ACAP2: variants seen among roughly 807,000 people sequenced by gnomAD.
The protein encoded by ACAP2 is arf-GAP with coiled-coil, ANK repeat and PH domain-containing protein 2.
In ACAP2, 39 loss-of-function variants were observed where a neutral mutation model predicts 115.8. That is an observed-to-expected ratio of 0.34 (90% CI 0.26 to 0.44). The LOEUF is 0.44. ACAP2 is among the 20% of genes least tolerant of loss of function. The pLI is 1.00. For missense variants in ACAP2, 662 were observed against 927.6 expected (o/e 0.71, Z 3.72); for synonymous variants, 289 against 315.8 (o/e 0.92, Z 0.90).
intron 1 of ACAP2, among the ~76,000 whole-genome samples, chr3:195,401,687 G>A (rs1041783700): frequency 6.6e-6 from 1 of 152,090 alleles, no homozygotes; most frequent in Admixed American, 6.6e-5. Context: ...GAAGACTACA[G>A]AACAGTAACG....
intron 1 of ACAP2, 47 bp downstream of exon 1, chr3:195,442,748 G>A (rs1577495546): frequency 1.3e-6 from 2 of 1,522,506 alleles, no homozygotes; most frequent in African/African-American, 1.4e-5. Flanking sequence ...CGCCCCCAGC[G>A]CCGGGAAGGC....
At chr3:195,414,697 C>A (rs1015649976) in intron 1 of ACAP2, among the ~76,000 whole-genome samples, 2 of 152,160 alleles carry the variant, frequency 1.3e-5, no homozygotes, top group Non-Finnish European at 2.9e-5. Context: ...TGAGCAACCA[C>A]ATGACACTCA....
intron 1 of ACAP2, among the ~76,000 whole-genome samples, chr3:195,426,335 C>T (rs564836109): frequency 6.6e-6 from 1 of 152,264 alleles, no homozygotes; most frequent in African/African-American, 2.4e-5. Context: ...TCCTGGGTTT[C>T]CAGGTGGAGA....
intron 10 of ACAP2, among the ~76,000 whole-genome samples, chr3:195,318,602 G>C (rs573736364): frequency 1.3e-5 from 2 of 152,340 alleles, no homozygotes; most frequent in Admixed American, 1.3e-4. Flanking sequence ...TTAAACTTCA[G>C]AGAGAGGATT....
At chr3:195,405,011 G>A (rs1380672941) in intron 1 of ACAP2, among the ~76,000 whole-genome samples, 2 of 151,720 alleles carry the variant, frequency 1.3e-5, no homozygotes, top group Non-Finnish European at 2.9e-5. Context: ...TGTTGTCCAG[G>A]CTGGTCTCGA....
intron 1 of ACAP2, among the ~76,000 whole-genome samples, chr3:195,408,775 G>A (rs1336634393): frequency 6.6e-6 from 1 of 151,966 alleles, no homozygotes; most frequent in Non-Finnish European, 1.5e-5. Flanking sequence ...TTTATTCCTG[G>A]AATGCAAGAA....
chr3:195,334,344 T>A (rs1730368060), intron 7 of ACAP2, among the ~76,000 whole-genome samples: 1 of 151,992 alleles, frequency 6.6e-6, no homozygotes, highest in Non-Finnish European at 1.5e-5. Flanking sequence ...AATAAATTAT[T>A]TTAAAAATTG....
intron 22 of ACAP2, among the ~76,000 whole-genome samples, chr3:195,281,097 T>C (rs1401591115): frequency 6.6e-6 from 1 of 152,180 alleles, no homozygotes; most frequent in African/African-American, 2.4e-5. Context: ...AGCCAAGATT[T>C]TGAATTAAAA....
chr3:195,396,118 G>A (rs1274973841), intron 1 of ACAP2, among the ~76,000 whole-genome samples: 3 of 151,998 alleles, frequency 2.0e-5, no homozygotes, highest in Non-Finnish European at 2.9e-5. Context: ...AGGCGTGGTG[G>A]CAGGCACCTG....
chr3:195,435,497 A>G (rs1054367676), intron 1 of ACAP2, among the ~76,000 whole-genome samples: 3 of 151,890 alleles, frequency 2.0e-5, no homozygotes, highest in African/African-American at 7.3e-5. Context: ...GTTTGCAGGT[A>G]TAAATTTCTC....
chr3:195,439,141 G>T (rs756283259), intron 1 of ACAP2, among the ~76,000 whole-genome samples: 81 of 147,430 alleles, frequency 5.5e-4, no homozygotes, highest in Middle Eastern at 3.6e-3. Flanking sequence ...CATTGTTAAA[G>T]GATAAAAATA....
intron 13 of ACAP2, among the ~76,000 whole-genome samples, chr3:195,303,459 C>T (rs1391364093): frequency 6.6e-6 from 1 of 150,864 alleles, no homozygotes; most frequent in Non-Finnish European, 1.5e-5. Context: ...TGGTGGTGCA[C>T]ACCTGTGGTC....
Position 195,395,626 on chromosome 3 carries a change from G to A in ACAP2, c.54-3479C>T, listed in dbSNP as rs183911788. Among the ~76,000 whole-genome samples the A allele has an allele frequency of 3.0e-4, 45 of 152,316 alleles. No individual in the cohort carries two copies. In the East Asian group the frequency reaches 6.4e-3, roughly 22 times the overall value. On this transcript the variant is annotated intron_variant, in intron 1 of 22. Coordinates refer to ENST00000326793, the MANE Select transcript of ACAP2 (RefSeq NM_012287.6). ...CCGTAGTCTCTATGGCAGCTTCCAC[G>A]CCATGATGGCGTAGTTGAGTAGCTG...
chr3:195,434,692 G>A (rs1327714471), intron 1 of ACAP2, among the ~76,000 whole-genome samples: 1 of 152,208 alleles, frequency 6.6e-6, no homozygotes, highest in Non-Finnish European at 1.5e-5. Flanking sequence ...TTGAACACTT[G>A]ATAGAATTCA....
rs570223821 is a variant in ACAP2, at chr3:195,372,172, C to T, written c.285+8837G>A. Among the ~76,000 whole-genome samples, 5 of 152,176 alleles carry T rather than the reference C, an allele frequency of 3.3e-5. No homozygotes were observed. In the South Asian group the frequency reaches 1.0e-3, roughly 32 times the overall value. ...AGAGCTACAGCCAGAATGCTGCATA[C>T]AATTGCAGAACTGTAAACGTACCAG... On this transcript the variant is annotated intron_variant, in intron 4 of 22. Transcript: ENST00000326793.
intron 20 of ACAP2, among the ~76,000 whole-genome samples, chr3:195,289,803 C>CAAAAAAAAA (rs35498756): frequency 6.3e-5 from 7 of 111,958 alleles, no homozygotes; most frequent in Admixed American, 5.1e-4. Context: ...GACTCCGTCT[C>CAAAAAAAAA]AAAAAAAAAA....
intron 4 of ACAP2, among the ~76,000 whole-genome samples, chr3:195,374,969 A>T (rs1342798476): frequency 6.6e-6 from 1 of 152,086 alleles, no homozygotes; most frequent in Non-Finnish European, 1.5e-5. Flanking sequence ...AGGCGGGCAG[A>T]TCACCTGAGG....
At chr3:195,364,867 A>G (rs1732608699) in intron 4 of ACAP2, among the ~76,000 whole-genome samples, 1 of 152,222 alleles carries the variant, frequency 6.6e-6, no homozygotes, top group Non-Finnish European at 1.5e-5. Context: ...CAAGATTTGG[A>G]AGCAACTTAA....
At chr3:195,320,580 GA>G in intron 10 of ACAP2, 120 bp downstream of exon 10, 1 of 601,564 alleles carries the variant, frequency 1.7e-6, no homozygotes, top group Non-Finnish European at 2.8e-6. Flanking sequence ...CTGGGTTCAG[GA>G]AAGTTTCTAT....
Sources: allele counts gnomAD v4.1 joint callset (sites outside exome capture counted in the v4.1 genomes callset), GRCh38; gene constraint gnomAD v4.1.1; transcripts MANE v1.5; gene names NCBI Gene and HGNC (gene_info 2026-07-23, HGNC 2026-07-21).